The following GPC5 variants were observed in gnomAD, a reference collection of about 807,000 sequenced individuals.
GPC5 encodes the protein glypican-5.
Under a neutral mutation model 53.9 loss-of-function variants are expected in GPC5, and 47 were observed. The ratio of observed to expected loss-of-function variants is 0.87; its 90% confidence interval spans 0.69 to 1.11. The LOEUF (loss-of-function observed/expected upper bound fraction) is 1.11. Among genes scored for constraint, GPC5 ranks in the 50% most tolerant of loss-of-function variants. The probability of loss-of-function intolerance (pLI) is 0.00; values close to 1 mark genes in which losing one functional copy is unlikely to be tolerated. For missense variants in GPC5, 748 were observed against 713.1 expected, an observed-to-expected ratio of 1.05 and a Z score of -0.56; for synonymous variants, 286 against 263.3, an observed-to-expected ratio of 1.09 and a Z score of -0.84.
chr13:92,752,813 A>C (rs1371593282), intron 7 of GPC5, among the ~76,000 whole-genome samples: 1 of 152,126 alleles, frequency 6.6e-6, no homozygotes, highest in East Asian at 1.9e-4. Flanking sequence ...ACGAGATTAT[A>C]TCCTGCACCT....
chr13:91,969,295 T>C (rs1051157548), intron 6 of GPC5, among the ~76,000 whole-genome samples: 10 of 152,216 alleles, frequency 6.6e-5, no homozygotes, highest in Non-Finnish European at 1.2e-4. Context: ...AGTTATTTCT[T>C]TGATACATTT....
chr13:92,779,834 A>T (rs1009299828), intron 7 of GPC5, among the ~76,000 whole-genome samples: 1 of 152,204 alleles, frequency 6.6e-6, no homozygotes, highest in Non-Finnish European at 1.5e-5. Context: ...ACAAACTCAT[A>T]AACCAGAAAC....
intron 6 of GPC5, among the ~76,000 whole-genome samples, chr13:91,967,732 A>G (rs537668510): frequency 6.6e-6 from 1 of 152,208 alleles, no homozygotes; most frequent in East Asian, 1.9e-4. Flanking sequence ...ACATTTTCAT[A>G]TACAAAATCA....
intron 2 of GPC5, among the ~76,000 whole-genome samples, chr13:91,660,735 G>A (rs879833189): frequency 1.8e-4 from 28 of 152,136 alleles, no homozygotes; most frequent in Non-Finnish European, 2.9e-4. Flanking sequence ...ATAGACAATT[G>A]TAGTATTTCT....
At chr13:92,096,517 G>A (rs765081904) in intron 6 of GPC5, among the ~76,000 whole-genome samples, 3 of 152,194 alleles carry the variant, frequency 2.0e-5, no homozygotes, top group Non-Finnish European at 2.9e-5. Context: ...ATGTGTTAAA[G>A]CTTAATCTCT....
At chr13:92,454,619 C>T (rs1224385401) in intron 7 of GPC5, among the ~76,000 whole-genome samples, 1 of 152,134 alleles carries the variant, frequency 6.6e-6, no homozygotes, top group Non-Finnish European at 1.5e-5. Context: ...TAGATGTGAT[C>T]CCTGCCCTCA....
chr13:92,139,389 T>C (rs1377976536), intron 6 of GPC5, among the ~76,000 whole-genome samples: 2 of 152,162 alleles, frequency 1.3e-5, no homozygotes, highest in Admixed American at 6.5e-5. Flanking sequence ...GTGTTATGGC[T>C]GGGCGCAGTG....
At chr13:92,429,219 A>G (rs1014072758) in intron 7 of GPC5, among the ~76,000 whole-genome samples, 1 of 152,038 alleles carries the variant, frequency 6.6e-6, no homozygotes, top group Non-Finnish European at 1.5e-5. Context: ...TATCATGAAA[A>G]ACCATTCAAA....
intron 7 of GPC5, among the ~76,000 whole-genome samples, chr13:92,368,744 A>C (rs1248166232): frequency 6.6e-6 from 1 of 151,738 alleles, no homozygotes; most frequent in Non-Finnish European, 1.5e-5. Context: ...TGAATAGTAC[A>C]TGTGCAAAAT....
chr13:92,668,733 G>T (rs141241366), intron 7 of GPC5, among the ~76,000 whole-genome samples: 62 of 151,814 alleles, frequency 4.1e-4, no homozygotes, highest in African/African-American at 1.5e-3. Flanking sequence ...CTTCTGTAAC[G>T]GTTTAACCTT....
intron 5 of GPC5, among the ~76,000 whole-genome samples, chr13:91,886,724 C>A (rs2039326741): frequency 6.6e-6 from 1 of 152,172 alleles, no homozygotes; most frequent in Non-Finnish European, 1.5e-5. Context: ...ATAGAGCAGT[C>A]ATTAAATGTT....
At chr13:92,565,268 A>G (rs1882827681) in intron 7 of GPC5, among the ~76,000 whole-genome samples, 1 of 152,156 alleles carries the variant, frequency 6.6e-6, no homozygotes, top group Non-Finnish European at 1.5e-5. Flanking sequence ...ACTGAAGGAA[A>G]AAGAAACGAA....
At chr13:92,807,537 T>C (rs1175400003) in intron 7 of GPC5, among the ~76,000 whole-genome samples, 1 of 152,060 alleles carries the variant, frequency 6.6e-6, no homozygotes, top group Non-Finnish European at 1.5e-5. Context: ...GTTGGCTGCT[T>C]ATCATTTTGC....
chr13:92,385,672 CAT>C (rs1874653074), intron 7 of GPC5, among the ~76,000 whole-genome samples: 1 of 142,012 alleles, frequency 7.0e-6, no homozygotes, highest in African/African-American at 2.6e-5. Flanking sequence ...TACATATATA[CAT>C]ATATACACAC....
At chr13:92,416,575 G>A (rs1176840507) in intron 7 of GPC5, among the ~76,000 whole-genome samples, 1 of 152,124 alleles carries the variant, frequency 6.6e-6, no homozygotes, top group Non-Finnish European at 1.5e-5. Context: ...AATTAATCCA[G>A]AGTGTATCAT....
At chr13:92,735,487 G>A (rs1888911798) in intron 7 of GPC5, among the ~76,000 whole-genome samples, 1 of 151,824 alleles carries the variant, frequency 6.6e-6, no homozygotes, top group Non-Finnish European at 1.5e-5. Flanking sequence ...AAATTCTATG[G>A]ATTCCATTTC....
At chr13:92,400,002 A>G (rs1875484436) in intron 7 of GPC5, among the ~76,000 whole-genome samples, 1 of 152,114 alleles carries the variant, frequency 6.6e-6, no homozygotes, top group Non-Finnish European at 1.5e-5. Context: ...GGTGGAATTT[A>G]TGAAAAAGAT....
chr13:92,457,413 C>CTTCT (rs1453841254), intron 7 of GPC5, among the ~76,000 whole-genome samples: 1 of 152,014 alleles, frequency 6.6e-6, no homozygotes, highest in Non-Finnish European at 1.5e-5. Context: ...TACCAGCACC[C>CTTCT]TTCTCCTTCC....
At chr13:92,102,691 C>T (rs575485677) in intron 6 of GPC5, among the ~76,000 whole-genome samples, 4 of 152,266 alleles carry the variant, frequency 2.6e-5, no homozygotes, top group Admixed American at 1.3e-4. Context: ...ATAGAAGGGA[C>T]ACATTTTCCT....
Sources: gnomAD v4.1 joint callset for allele counts (sites outside exome capture counted in the v4.1 genomes callset) on GRCh38, gnomAD v4.1.1 for gene constraint, MANE v1.5 for transcripts, NCBI Gene and HGNC (gene_info 2026-07-23, HGNC 2026-07-21) for gene names.